SLC7A11: variants seen among roughly 807,000 people sequenced by gnomAD.
SLC7A11 encodes the protein cystine/glutamate transporter.
A neutral mutation model predicts 54.5 loss-of-function variants in SLC7A11; 35 were observed. That is an observed-to-expected ratio of 0.64 (90% CI 0.49 to 0.85). The LOEUF (loss-of-function observed/expected upper bound fraction) is 0.85. Ranked by LOEUF, SLC7A11 falls within the 40% of genes least tolerant of loss-of-function variation. SLC7A11 has a pLI of 0.00. For missense variants in SLC7A11, 583 were observed against 618.1 expected, an observed-to-expected ratio of 0.94 and a Z score of 0.60; for synonymous variants, 230 against 225.2, an observed-to-expected ratio of 1.02 and a Z score of -0.19.
chr4:138,225,828 T>C (rs142778979), intron 3 of SLC7A11, among the ~76,000 whole-genome samples: 31 of 151,104 alleles, frequency 2.1e-4, no homozygotes, highest in Non-Finnish European at 3.8e-4. Flanking sequence ...CTTTCCACAG[T>C]AGAAAAGAAC....
chr4:138,203,715 C>G (rs921286363), intron 6 of SLC7A11, among the ~76,000 whole-genome samples: 7 of 152,006 alleles, frequency 4.6e-5, no homozygotes, highest in African/African-American at 1.7e-4. Context: ...TCTTCATGGA[C>G]TATAAATTTT....
At chr4:138,217,940 G>A (rs1233445700) in intron 5 of SLC7A11, among the ~76,000 whole-genome samples, 2 of 152,202 alleles carry the variant, frequency 1.3e-5, no homozygotes, top group Non-Finnish European at 2.9e-5. Context: ...AATACTGAGT[G>A]ATTCAAAACT....
chr4:138,206,192 T>C (rs1285212802), intron 6 of SLC7A11, among the ~76,000 whole-genome samples: 1 of 151,836 alleles, frequency 6.6e-6, no homozygotes, highest in Non-Finnish European at 1.5e-5. Flanking sequence ...TCTGTGATTC[T>C]ATTATTCTAC....
intron 4 of SLC7A11, among the ~76,000 whole-genome samples, chr4:138,221,313 C>A (rs1737807383): frequency 6.6e-6 from 1 of 152,128 alleles, no homozygotes; most frequent in African/African-American, 2.4e-5. Context: ...GAAAGTTCAA[C>A]AAACTCTCAT....
At chr4:138,190,631 T>C (rs541721188) in intron 6 of SLC7A11, among the ~76,000 whole-genome samples, 1 of 152,170 alleles carries the variant, frequency 6.6e-6, no homozygotes, top group Non-Finnish European at 1.5e-5. Flanking sequence ...ACTTCAGTCA[T>C]GTGTTGCAGA....
chr4:138,238,837 A>G (rs1468632837), intron 1 of SLC7A11, among the ~76,000 whole-genome samples: 1 of 152,102 alleles, frequency 6.6e-6, no homozygotes, highest in Non-Finnish European at 1.5e-5. Flanking sequence ...TCCTGGGCTC[A>G]AGGGGTCTGT....
chr4:138,194,321 C>T (rs752817462), intron 6 of SLC7A11, among the ~76,000 whole-genome samples: 2 of 152,218 alleles, frequency 1.3e-5, no homozygotes, highest in Non-Finnish European at 2.9e-5. Context: ...TCATATTCCC[C>T]GCAGAAATGG....
chr4:138,236,983 C>CCT (rs372922127), intron 1 of SLC7A11, among the ~76,000 whole-genome samples: 4 of 111,920 alleles, frequency 3.6e-5, no homozygotes, highest in Admixed American at 2.3e-4. Flanking sequence ...TGCAAGATTT[C>CCT]TTTTTTTTTT....
chr4:138,182,386 A>G lies in SLC7A11; in HGVS notation c.1027T>C (p.Tyr343His), dbSNP rs943027722. The G allele has an allele frequency of 4.4e-6, 7 of 1,601,122 alleles. No homozygotes were observed. Among genetic ancestry groups the G allele is most frequent in the African/African-American group, 1.3e-5 (1 of 74,578 alleles). Residue 343 changes from tyrosine to histidine, a missense_variant, in exon 9 of 12, where the codon TAT (tyrosine) becomes CAT (histidine). Coordinates refer to ENST00000280612, the MANE Select transcript of SLC7A11 (RefSeq NM_014331.4). ...GGVFAVSRLF[Y>H]VASREGHLPE... is the part of the protein sequence containing the mutation. ...AGGTGACCCTCTCGAGACGCAACAT[A>G]GAATAACCTGATGGGAGAGAAATGT...
rs769196383 is a variant in SLC7A11 at position 138,182,374 on chromosome 4, G to A, written c.1039C>T (p.Arg347Ter). 5 of 1,607,640 alleles carry A rather than the reference G, an allele frequency of 3.1e-6. No homozygotes were observed. Among genetic ancestry groups the A allele is most frequent in the East Asian group, 2.2e-5 (1 of 44,700 alleles). ...AVSRLFYVAS[R>*]EGHLPEILSM... Reference sequence around the variant, plus strand: ...AGGATTTCTGGAAGGTGACCCTCTCGAGACGCAACATAGAATAACCTGATG... The same window carrying A: ...AGGATTTCTGGAAGGTGACCCTCTCAAGACGCAACATAGAATAACCTGATG... The change falls in exon 9 of 12, where the codon CGA (arginine) becomes TGA (stop). Residue 347 changes from arginine (R) to a stop codon, truncating the protein, a stop_gained. Coordinates refer to ENST00000280612, the MANE Select transcript of SLC7A11 (RefSeq NM_014331.4). LOFTEE classifies it high-confidence loss of function.
At chr4:138,222,714 T>C (rs561837075) in intron 4 of SLC7A11, among the ~76,000 whole-genome samples, 1 of 152,354 alleles carries the variant, frequency 6.6e-6, no homozygotes, top group Non-Finnish European at 1.5e-5. Context: ...TTAGGAATGC[T>C]GTTCCCGTAT....
At chr4:138,205,571 T>G (rs1737387358) in intron 6 of SLC7A11, among the ~76,000 whole-genome samples, 1 of 152,064 alleles carries the variant, frequency 6.6e-6, no homozygotes, top group South Asian at 2.1e-4. Context: ...CAACATTGCA[T>G]CTGCATGAAT....
At position 138,167,433 on chromosome 4, in the gene SLC7A11, T is replaced by A. The variant is rs1736297209; in HGVS notation, c.*4523A>T. 1 of 152,178 alleles carries A rather than the reference T, an allele frequency of 6.6e-6. No homozygotes were observed. Among genetic ancestry groups the A allele is most frequent in the African/African-American group, 2.4e-5 (1 of 41,428 alleles). 9.4% of individuals were successfully genotyped at this position (152,178 alleles called of 1,614,324 possible). ...TCCCAAAGTGCTGGGATTACAGGCA[T>A]GAGCCACCGTGCCGGACCTATTTAA... On this transcript the variant is annotated 3_prime_UTR_variant, in exon 12 of 12. Transcript: ENST00000280612.
chr4:138,228,209 A>C (rs186005969), intron 3 of SLC7A11, among the ~76,000 whole-genome samples: 4 of 152,070 alleles, frequency 2.6e-5, no homozygotes, highest in African/African-American at 7.2e-5. Flanking sequence ...ACTCATCTTT[A>C]TTTTATATAG....
At chr4:138,199,823 A>C (rs1737233271) in intron 6 of SLC7A11, among the ~76,000 whole-genome samples, 1 of 152,182 alleles carries the variant, frequency 6.6e-6, no homozygotes, top group African/African-American at 2.4e-5. Flanking sequence ...CTTGGCATAA[A>C]GACAAACAAT....
chr4:138,213,611 C>T (rs1737608244), intron 6 of SLC7A11, among the ~76,000 whole-genome samples: 1 of 151,714 alleles, frequency 6.6e-6, no homozygotes, highest in Non-Finnish European at 1.5e-5. Context: ...GGAACACCTA[C>T]TCATCATTTG....
In SLC7A11 at chr4:138,166,248, T is replaced by C. The variant is rs2148402492; in HGVS notation, c.*5708A>G. 1 of 152,214 alleles carries C rather than the reference T, an allele frequency of 6.6e-6. No homozygotes were observed. The highest frequency in any genetic ancestry group is 2.1e-4 in the South Asian group (1 of 4,826). The allele number at this position is 152,214 out of a possible 1,614,324, so 9.4% of individuals were successfully genotyped here. On this transcript the variant is annotated 3_prime_UTR_variant, in exon 12 of 12. Transcript: ENST00000280612. ...CTAATAAAGTTAGTTAGTAGGAAAA[T>C]TTGATGTCTAAATTTTATAATACAC...
intron 6 of SLC7A11, among the ~76,000 whole-genome samples, chr4:138,206,379 A>ATT (rs1049215021): frequency 3.9e-4 from 42 of 109,084 alleles, no homozygotes; most frequent in Middle Eastern, 6.3e-3. Flanking sequence ...ACTCAATGAG[A>ATT]TTTATATATA....
At position 138,223,681 on chromosome 4, in the gene SLC7A11, A is replaced by G. The variant is rs116815062; in HGVS notation, c.521-357T>C. 3.5e-3 allele frequency among the ~76,000 whole-genome samples: 539 copies of G among 152,294 alleles called. 2 individuals are homozygous for G. The highest frequency in any genetic ancestry group is 0.013 in the African/African-American group (521 of 41,578). On this transcript the variant is annotated intron_variant, in intron 3 of 11. Coordinates refer to ENST00000280612, the MANE Select transcript of SLC7A11 (RefSeq NM_014331.4). ...ACCCAGCATCCAATCAGATGGCTGA[A>G]TTTCACTGTCTAGCTTGATGTGACA...
Sources: gnomAD v4.1 joint callset for allele counts (sites outside exome capture counted in the v4.1 genomes callset) on GRCh38, gnomAD v4.1.1 for gene constraint, MANE v1.5 for transcripts, NCBI Gene and HGNC (gene_info 2026-07-23, HGNC 2026-07-21) for gene names.